GALNTL6: variants seen among roughly 807,000 people sequenced by gnomAD.
The protein encoded by GALNTL6 is polypeptide N-acetylgalactosaminyltransferase like 6, also known as polypeptide N-acetylgalactosaminyltransferase-like 6.
A neutral mutation model predicts 73.7 loss-of-function variants in GALNTL6; 46 were observed. The observed-to-expected ratio is 0.62, with a 90% CI of 0.49 to 0.80. The LOEUF (loss-of-function observed/expected upper bound fraction) is 0.80, where lower values mean the gene tolerates loss of function less well. Ranked by LOEUF, GALNTL6 falls within the 30% of genes least tolerant of loss-of-function variation. GALNTL6 has a pLI of 0.00. For missense variants in GALNTL6, 604 were observed against 755.0 expected (o/e 0.80, Z 2.34); for synonymous variants, 259 against 263.7 (o/e 0.98, Z 0.17).
At position 172,325,932 on chromosome 4, in the gene GALNTL6, G is replaced by T. The variant is rs1474690768; in HGVS notation, c.386+14180G>T. ...TTTATATTCTTCTCATGTGCACTAT[G>T]AAATATTTATCGAAACAGACCATAT... On this transcript the variant is annotated intron_variant, in intron 4 of 12. Transcript: ENST00000506823. Among the ~76,000 whole-genome samples the T allele has an allele frequency of 2.0e-5, 3 of 151,776 alleles. No homozygotes were observed. The East Asian group carries it at 5.8e-4, about 29-fold the overall frequency.
intron 2 of GALNTL6, among the ~76,000 whole-genome samples, chr4:171,951,734 G>T (rs1379278753): frequency 3.3e-5 from 5 of 152,036 alleles, no homozygotes; most frequent in Admixed American, 6.5e-5. Flanking sequence ...GGAAAAAATT[G>T]CTGGAAAATA....
At chr4:171,991,172 C>T (rs1222653912) in intron 2 of GALNTL6, among the ~76,000 whole-genome samples, 1 of 151,996 alleles carries the variant, frequency 6.6e-6, no homozygotes, top group Non-Finnish European at 1.5e-5. Context: ...CTTGTAACAA[C>T]AACAAAAGAC....
chr4:172,827,942 T>C (rs987306562), intron 7 of GALNTL6, among the ~76,000 whole-genome samples: 2 of 151,808 alleles, frequency 1.3e-5, no homozygotes, highest in East Asian at 3.9e-4. Context: ...ACTTTAGACA[T>C]TGAAGGAAGA....
rs1228055803 is a variant in GALNTL6, at chr4:173,037,387, A to G, written c.1639-2546A>G. Among the ~76,000 whole-genome samples, 5 of 152,192 alleles carry G rather than the reference A, an allele frequency of 3.3e-5. No homozygotes were observed. The South Asian group carries it at 8.3e-4, about 25-fold the overall frequency. ...GACATAGACAGATGAAGGGAATCCA[A>G]TTTTTCAACTTTTATGAGAACATGA... On this transcript the variant is annotated intron_variant, in intron 12 of 12. Transcript: ENST00000506823.
At chr4:172,061,665 CT>C (rs769411772) in intron 2 of GALNTL6, among the ~76,000 whole-genome samples, 1 of 151,630 alleles carries the variant, frequency 6.6e-6, no homozygotes. Flanking sequence ...AACCTTTGGG[CT>C]TTTTTTTCTG....
At position 172,809,577 on chromosome 4, in the gene GALNTL6, G is replaced by A; in HGVS notation, c.739+31G>A. Reference sequence around the variant, plus strand: ...TACAGGTTGCTAAGCACCATCCTGGGATGCCTCAGGGGAACTGAGCGGTTT... The same window carrying A: ...TACAGGTTGCTAAGCACCATCCTGGAATGCCTCAGGGGAACTGAGCGGTTT... On this transcript the variant is annotated intron_variant, in intron 6 of 12. Transcript: ENST00000506823. The surrounding 1 kb of genome is among the most constrained non-coding windows in gnomAD (Gnocchi z 4.4). The A allele has an allele frequency of 6.4e-7, 1 of 1,562,688 alleles. No individual in the cohort carries two copies. Among genetic ancestry groups the A allele is most frequent in the Non-Finnish European group, 8.7e-7 (1 of 1,148,428 alleles).
chr4:172,885,040 T>C (rs1745647399), intron 8 of GALNTL6, among the ~76,000 whole-genome samples: 1 of 152,184 alleles, frequency 6.6e-6, no homozygotes, highest in African/African-American at 2.4e-5. Context: ...GTGGTATAAT[T>C]TGAAATCAAG....
At chr4:172,946,047 G>C (rs1256700343) in intron 9 of GALNTL6, among the ~76,000 whole-genome samples, 1 of 152,088 alleles carries the variant, frequency 6.6e-6, no homozygotes, top group Non-Finnish European at 1.5e-5. Flanking sequence ...CCTTGCTGTA[G>C]GAGTGACTGT....
At chr4:172,879,651 TA>T (rs1579601458) in intron 7 of GALNTL6, among the ~76,000 whole-genome samples, 1 of 152,040 alleles carries the variant, frequency 6.6e-6, no homozygotes, top group East Asian at 1.9e-4. Flanking sequence ...TTTATAGTAC[TA>T]AACACCTATA....
chr4:172,699,153 C>G (rs1458658894), intron 5 of GALNTL6, among the ~76,000 whole-genome samples: 1 of 152,062 alleles, frequency 6.6e-6, no homozygotes, highest in Non-Finnish European at 1.5e-5. Context: ...CTTAATCTTA[C>G]TCATGAAGGC....
chr4:172,547,560 A>G (rs2110891100), intron 5 of GALNTL6, among the ~76,000 whole-genome samples: 1 of 152,226 alleles, frequency 6.6e-6, no homozygotes, highest in South Asian at 2.1e-4. Flanking sequence ...TATACCTGCA[A>G]CACCATGTGA....
chr4:172,900,753 A>C (rs1000528210), intron 8 of GALNTL6, among the ~76,000 whole-genome samples: 1 of 152,190 alleles, frequency 6.6e-6, no homozygotes, highest in African/African-American at 2.4e-5. Context: ...TTCTTAATTC[A>C]TGAATTCTTT....
At chr4:171,835,147 A>C (rs899658336) in intron 2 of GALNTL6, among the ~76,000 whole-genome samples, 1 of 152,084 alleles carries the variant, frequency 6.6e-6, no homozygotes, top group Non-Finnish European at 1.5e-5. Context: ...TTATGAGGTC[A>C]TAAGCACATT....
intron 2 of GALNTL6, among the ~76,000 whole-genome samples, chr4:172,205,570 G>T (rs1270179371): frequency 6.6e-6 from 1 of 152,202 alleles, no homozygotes; most frequent in Non-Finnish European, 1.5e-5. Flanking sequence ...TTCTGACAAA[G>T]AAAAGACTCT....
chr4:173,037,192 T>C (rs1331946274), intron 12 of GALNTL6, among the ~76,000 whole-genome samples: 3 of 152,182 alleles, frequency 2.0e-5, no homozygotes, highest in African/African-American at 7.2e-5. Flanking sequence ...AGGGAACAAT[T>C]AGTCTGTGGA....
intron 2 of GALNTL6, among the ~76,000 whole-genome samples, chr4:172,073,955 T>C (rs1186726639): frequency 2.6e-5 from 4 of 152,184 alleles, no homozygotes; most frequent in Non-Finnish European, 5.9e-5. Context: ...CATCCAGAGA[T>C]CAGATTCAGT....
chr4:171,924,215 A>AC (rs1560843329), intron 2 of GALNTL6, among the ~76,000 whole-genome samples: 3 of 118,604 alleles, frequency 2.5e-5, no homozygotes, highest in East Asian at 4.7e-4. Flanking sequence ...CACACACACA[A>AC]ACACACACAC....
intron 7 of GALNTL6, among the ~76,000 whole-genome samples, chr4:172,841,316 C>A (rs1318329961): frequency 6.6e-6 from 1 of 152,106 alleles, no homozygotes; most frequent in Non-Finnish European, 1.5e-5. Flanking sequence ...GTGCATATCG[C>A]CTCATTTAAC....
At chr4:172,216,571 T>A (rs1249322831) in intron 2 of GALNTL6, among the ~76,000 whole-genome samples, 2 of 152,216 alleles carry the variant, frequency 1.3e-5, no homozygotes, top group African/African-American at 4.8e-5. Flanking sequence ...TGGTATTCTC[T>A]GTTTTTCTTG....
Sources: gnomAD v4.1 joint callset for allele counts (sites outside exome capture counted in the v4.1 genomes callset) on GRCh38, gnomAD v4.1.1 for gene constraint, Gnocchi (gnomAD v3.1) non-coding constraint, MANE v1.5 for transcripts, NCBI Gene and HGNC (gene_info 2026-07-23, HGNC 2026-07-21) for gene names.